Variants in BRINP1 observed in about 807,000 individuals in gnomAD.
BRINP1 encodes BMP/retinoic acid-inducible neural-specific protein 1.
Under a neutral mutation model 72.9 loss-of-function variants are expected in BRINP1, and 17 were observed. The ratio of observed to expected loss-of-function variants is 0.23; its 90% CI spans 0.16 to 0.35. The LOEUF (loss-of-function observed/expected upper bound fraction) is 0.35. Among genes scored for constraint, BRINP1 ranks in the 10% least tolerant of loss-of-function variants. The probability of loss-of-function intolerance (pLI) is 1.00; values close to 1 mark genes in which losing one functional copy is unlikely to be tolerated. For missense variants in BRINP1, 850 were observed against 1,001.6 expected (o/e 0.85, Z 2.04); for synonymous variants, 418 against 378.5 (o/e 1.10, Z -1.21).
chr9:119,233,522 C>G (rs1830165934), intron 5 of BRINP1, among the ~76,000 whole-genome samples: 2 of 152,174 alleles, frequency 1.3e-5, no homozygotes, highest in African/African-American at 4.8e-5. Flanking sequence ...GTTCATGCAG[C>G]CTGTCCTCCA....
intron 3 of BRINP1, among the ~76,000 whole-genome samples, chr9:119,246,897 C>T (rs1830325713): frequency 6.6e-6 from 1 of 152,204 alleles, no homozygotes; most frequent in African/African-American, 2.4e-5. Context: ...CATTTAGGGC[C>T]TACTGTCCAA....
At chr9:119,276,035 C>T (rs1410641007) in intron 2 of BRINP1, among the ~76,000 whole-genome samples, 4 of 152,048 alleles carry the variant, frequency 2.6e-5, no homozygotes, top group Non-Finnish European at 5.9e-5. Flanking sequence ...TCCTTCATTT[C>T]CTTATCTGTT....
intron 2 of BRINP1, among the ~76,000 whole-genome samples, chr9:119,264,918 G>T (rs1830533216): frequency 6.6e-6 from 1 of 152,162 alleles, no homozygotes; most frequent in Non-Finnish European, 1.5e-5. Flanking sequence ...TAATCTGCCT[G>T]CCTTGGCCTC....
At chr9:119,330,109 G>A (rs962727771) in intron 1 of BRINP1, among the ~76,000 whole-genome samples, 2 of 152,112 alleles carry the variant, frequency 1.3e-5, no homozygotes, top group Non-Finnish European at 1.5e-5. Context: ...ATTACAGAGG[G>A]TGCCAATTTT....
intron 1 of BRINP1, among the ~76,000 whole-genome samples, chr9:119,320,686 G>T (rs568476076): frequency 6.6e-6 from 1 of 152,272 alleles, no homozygotes; most frequent in African/African-American, 2.4e-5. Context: ...ATGCCTCAGG[G>T]AAAAGCAATG....
At chr9:119,329,977 G>T (rs1250055285) in intron 1 of BRINP1, among the ~76,000 whole-genome samples, 1 of 152,152 alleles carries the variant, frequency 6.6e-6, no homozygotes. Flanking sequence ...CTAAACTCCT[G>T]CCATAGGCCC....
rs1313640952 is a variant in BRINP1 at position 119,302,672 on chromosome 9, T to C, written c.218+10466A>G. On this transcript the variant is annotated intron_variant, in intron 2 of 7. Coordinates refer to ENST00000265922, the MANE Select transcript of BRINP1 (RefSeq NM_014618.3). ...TGCATGCTAACATCTTCTGTGTCCATTACTTATGGTGAATTACTTGCAAGC... is the reference window on the plus strand; with the variant it reads ...TGCATGCTAACATCTTCTGTGTCCACTACTTATGGTGAATTACTTGCAAGC... 2.0e-5 allele frequency among the ~76,000 whole-genome samples: 3 copies of C among 152,320 alleles called. No individual in the cohort carries two copies. In the East Asian group the frequency reaches 5.8e-4, roughly 29 times the overall value.
intron 7 of BRINP1, among the ~76,000 whole-genome samples, chr9:119,177,407 A>G (rs963839778): frequency 6.6e-6 from 1 of 152,044 alleles, no homozygotes; most frequent in African/African-American, 2.4e-5. Context: ...GAGTCATCTG[A>G]TATTTTTGTG....
chr9:119,330,135 CAT>C lies in BRINP1; in HGVS notation c.-50-16732_-50-16731del, dbSNP rs1005515934. On this transcript the variant is annotated intron_variant, in intron 1 of 7. Coordinates refer to ENST00000265922, the MANE Select transcript of BRINP1 (RefSeq NM_014618.3). Reference sequence around the variant, plus strand: ...TGCCAATTTTTTTTAACCTTTTCCACATGTCTCAGAATTCGAAAAGACACTAG... The same window carrying C: ...TGCCAATTTTTTTTAACCTTTTCCACGTCTCAGAATTCGAAAAGACACTAG... Among the ~76,000 whole-genome samples, 8 of 152,304 alleles carry C rather than the reference CAT, an allele frequency of 5.3e-5. No homozygotes were observed. In the East Asian group the frequency reaches 5.8e-4, roughly 11 times the overall value.
intron 2 of BRINP1, among the ~76,000 whole-genome samples, chr9:119,292,394 C>T (rs918608649): frequency 6.6e-6 from 1 of 152,174 alleles, no homozygotes; most frequent in African/African-American, 2.4e-5. Context: ...ATTATCTTAT[C>T]GCCATTCACT....
At chr9:119,261,258 G>C (rs527678428) in intron 2 of BRINP1, among the ~76,000 whole-genome samples, 2 of 152,188 alleles carry the variant, frequency 1.3e-5, no homozygotes, top group African/African-American at 4.8e-5. Flanking sequence ...AATGCTATGA[G>C]TTTCAGAAAA....
chr9:119,313,450 AAAAG>A, intron 1 of BRINP1, 45 bp from the exon 2 acceptor site: 1 of 1,472,270 alleles, frequency 6.8e-7, no homozygotes, highest in South Asian at 1.4e-5. Context: ...AAGAGAAACC[AAAAG>A]AGAGAGAGGA....
chr9:119,272,172 G>A (rs956419627), intron 2 of BRINP1, among the ~76,000 whole-genome samples: 3 of 151,132 alleles, frequency 2.0e-5, no homozygotes, highest in Non-Finnish European at 2.9e-5. Flanking sequence ...TCCGCCTCCC[G>A]GGTTCAAGCA....
At chr9:119,274,534 G>A (rs1830635622) in intron 2 of BRINP1, among the ~76,000 whole-genome samples, 1 of 152,206 alleles carries the variant, frequency 6.6e-6, no homozygotes, top group Admixed American at 6.5e-5. Context: ...TGATTTGGAA[G>A]AGACCATTAG....
chr9:119,208,633 T>A, intron 7 of BRINP1, 86 bp downstream of exon 7: 1 of 1,346,314 alleles, frequency 7.4e-7, no homozygotes, highest in Non-Finnish European at 1.0e-6. Context: ...AAATGCACCA[T>A]CTGCATTGCA....
intron 5 of BRINP1, among the ~76,000 whole-genome samples, chr9:119,218,204 ATT>A (rs139945643): frequency 0.49 from 60,329 of 123,100 alleles, 14,128 homozygotes; most frequent in Middle Eastern, 0.7. Flanking sequence ...TCAAATAAAT[ATT>A]TTTTTTTTTT....
At chr9:119,349,210 G>C (rs1289979620) in intron 1 of BRINP1, among the ~76,000 whole-genome samples, 1 of 152,206 alleles carries the variant, frequency 6.6e-6, no homozygotes, top group Admixed American at 6.5e-5. Flanking sequence ...TGGTTCCATT[G>C]TAAGGGAGAG....
intron 2 of BRINP1, among the ~76,000 whole-genome samples, chr9:119,288,721 A>G (rs1830791856): frequency 6.6e-6 from 1 of 152,226 alleles, no homozygotes; most frequent in Non-Finnish European, 1.5e-5. Context: ...CTCACTAAAA[A>G]TATCTGAATT....
chr9:119,243,124 G>A (rs770396998), intron 3 of BRINP1, among the ~76,000 whole-genome samples: 35 of 152,044 alleles, frequency 2.3e-4, no homozygotes, highest in African/African-American at 6.5e-4. Flanking sequence ...GTAAACAAAC[G>A]TATGCCATGG....
Sources: gnomAD v4.1 joint callset for allele counts (sites outside exome capture counted in the v4.1 genomes callset) on GRCh38, gnomAD v4.1.1 for gene constraint, MANE v1.5 for transcripts, NCBI Gene and HGNC (gene_info 2026-07-23, HGNC 2026-07-21) for gene names.